LTBP1: variants seen among roughly 807,000 people sequenced by gnomAD.
LTBP1 encodes the protein latent-transforming growth factor beta-binding protein 1.
A neutral mutation model predicts 207.6 loss-of-function variants in LTBP1; 129 were observed. The observed-to-expected ratio is 0.62, with a 90% CI of 0.54 to 0.72. LTBP1 has a LOEUF of 0.72. Among genes scored for constraint, LTBP1 ranks in the 30% least tolerant of loss-of-function variants. The probability of loss-of-function intolerance (pLI) is 0.00; values close to 1 mark genes in which losing one functional copy is unlikely to be tolerated. For missense variants in LTBP1, 2,281 were observed against 2,217.2 expected, an observed-to-expected ratio of 1.03 and a Z score of -0.58; for synonymous variants, 963 against 833.7, an observed-to-expected ratio of 1.16 and a Z score of -2.67.
chr2:33,315,190 GTGCCTAAACACAGAGGGTTCT>G lies in LTBP1; in HGVS notation c.3653_3673del (p.Cys1218_Ser1224del). The stretch of plus-strand genomic sequence containing the variant: ...CAGGGCTCTGTGGTCCGCAAGGGGA[GTGCCTAAACACAGAGGGTTCT>G]TTCCATTGTGTCTGCCAGCAGGGTT... On this transcript the variant is annotated inframe_deletion, in exon 24 of 34. Coordinates refer to ENST00000404816, the MANE Select transcript of LTBP1 (RefSeq NM_206943.4). 1 of 1,612,918 alleles carries G rather than the reference GTGCCTAAACACAGAGGGTTCT, an allele frequency of 6.2e-7. No homozygotes were observed. Among genetic ancestry groups the G allele is most frequent in the Non-Finnish European group, 8.5e-7 (1 of 1,179,564 alleles).
At chr2:32,979,174 AT>A (rs572538724) in intron 2 of LTBP1, among the ~76,000 whole-genome samples, 4 of 149,060 alleles carry the variant, frequency 2.7e-5, no homozygotes, top group African/African-American at 7.4e-5. Flanking sequence ...TTATATATAT[AT>A]TTTTTTCATT....
chr2:32,947,800 A>G lies in LTBP1; in HGVS notation c.476A>G (p.Gln159Arg), dbSNP rs1222760691. 5.5e-6 allele frequency: 8 copies of G among 1,464,720 alleles called. No individual in the cohort carries two copies. The allele number at this position is 1,464,720 out of a possible 1,614,324, so 90.7% of individuals were successfully genotyped here. A position where few individuals can be genotyped will look rare whatever the true frequency, so the allele number is the denominator to read the frequency against. The change falls in exon 1 of 34, where the codon CAG (glutamine) becomes CGG (arginine). Residue 159 changes from glutamine (Q) to arginine (R), a missense_variant. Physicochemically the swap from Gln to Arg is conservative, Grantham distance 43. This residue lies in a region of LTBP1 where 555 missense variants were observed against 491.0 expected (regional missense o/e 1.13). Coordinates refer to ENST00000404816, the MANE Select transcript of LTBP1 (RefSeq NM_206943.4). ...SGGGSRLQVH[Q>R]KQQLQGVNVC... ...GGAGGCTCTAGGCTGCAGGTTCACC[A>G]GAAGCAGCAGCTGCAGGGGTAAGCC...
intron 3 of LTBP1, among the ~76,000 whole-genome samples, chr2:33,047,154 A>G (rs10469889): frequency 0.14 from 21,253 of 152,048 alleles, 1,619 homozygotes; most frequent in South Asian, 0.22. Context: ...GTCTTCTGCT[A>G]GCTTTTGAAT....
At chr2:33,164,499 G>C (rs1465298762) in intron 5 of LTBP1, among the ~76,000 whole-genome samples, 1 of 151,722 alleles carries the variant, frequency 6.6e-6, no homozygotes, top group East Asian at 1.9e-4. Context: ...TTAGGATGTG[G>C]GCCTATCTTG....
At position 33,020,946 on chromosome 2, in the gene LTBP1, T is replaced by G; in HGVS notation, c.603T>G (p.Cys201Trp). 1 of 1,601,336 alleles carries G rather than the reference T, an allele frequency of 6.2e-7. No individual in the cohort carries two copies. The highest frequency in any genetic ancestry group is 8.5e-7 in the Non-Finnish European group (1 of 1,170,440). The change falls in exon 3 of 34, where the codon TGT becomes TGG. Residue 201 changes from cysteine (C) to tryptophan (W), a missense_variant. Transcript: ENST00000404816. ...CVPPCQNGGM[C>W]LRPQLCVCKP... ...CGCCATGTCAGAATGGAGGGATGTG[T>G]CTCCGGCCACAACTCTGTGTGTGTA...
Position 33,068,150 on chromosome 2 carries a change from C to G in LTBP1, c.864-42432C>G, listed in dbSNP as rs935596369. ...ATTAGCATTAGCAGAGTAACATTTG[C>G]GATTCTTTTTTTGTGGGGTGGGGGG... On this transcript the variant is annotated intron_variant, in intron 3 of 33. Coordinates refer to ENST00000404816, the MANE Select transcript of LTBP1 (RefSeq NM_206943.4). 3.5e-5 allele frequency among the ~76,000 whole-genome samples: 4 copies of G among 113,948 alleles called. No individual in the cohort carries two copies. In the East Asian group the frequency reaches 7.6e-4, roughly 22 times the overall value. The allele number at this position is 113,948 out of a possible 152,430, so 74.8% of individuals were successfully genotyped here.
intron 3 of LTBP1, among the ~76,000 whole-genome samples, chr2:33,043,520 T>C (rs1015719860): frequency 6.6e-6 from 1 of 152,122 alleles, no homozygotes; most frequent in African/African-American, 2.4e-5. Context: ...AGGAGCCACG[T>C]GCGCAGACCA....
chr2:33,157,011 T>G (rs1351179046), intron 5 of LTBP1, among the ~76,000 whole-genome samples: 1 of 152,258 alleles, frequency 6.6e-6, no homozygotes, highest in African/African-American at 2.4e-5. Context: ...TGACAGATTT[T>G]ACACACTTGG....
intron 2 of LTBP1, among the ~76,000 whole-genome samples, chr2:32,969,625 T>C (rs1036013288): frequency 3.3e-5 from 5 of 152,208 alleles, no homozygotes; most frequent in Admixed American, 1.3e-4. Context: ...TAAGGCTGTG[T>C]AATATTCCAT....
chr2:33,349,444 G>GA (rs373613670), intron 26 of LTBP1, among the ~76,000 whole-genome samples: 115 of 141,332 alleles, frequency 8.1e-4, no homozygotes, highest in Admixed American at 2.2e-3. Flanking sequence ...TGTCTCAAAA[G>GA]AAAAAAAAAA....
intron 25 of LTBP1, among the ~76,000 whole-genome samples, chr2:33,347,077 C>T (rs1294440088): frequency 6.9e-6 from 1 of 145,930 alleles, no homozygotes; most frequent in Non-Finnish European, 1.5e-5. Context: ...GAGATCGCGC[C>T]TCTGCACTCC....
chr2:32,962,956 A>T (rs150691), intron 2 of LTBP1, among the ~76,000 whole-genome samples: 1 of 152,068 alleles, frequency 6.6e-6, no homozygotes, highest in Non-Finnish European at 1.5e-5. Flanking sequence ...AGCAGAACCC[A>T]TCTCCTCCTC....
At chr2:32,965,605 C>T (rs1323479945) in intron 2 of LTBP1, among the ~76,000 whole-genome samples, 1 of 152,176 alleles carries the variant, frequency 6.6e-6, no homozygotes, top group Admixed American at 6.6e-5. Flanking sequence ...TGGCTTCTTT[C>T]ACTTAGTAAT....
At chr2:33,069,319 C>G (rs2077671062) in intron 3 of LTBP1, among the ~76,000 whole-genome samples, 2 of 152,202 alleles carry the variant, frequency 1.3e-5, no homozygotes, top group Non-Finnish European at 2.9e-5. Context: ...CCCTCTCCCT[C>G]TAGTCTGCAC....
At chr2:33,104,263 A>G (rs2079926307) in intron 3 of LTBP1, among the ~76,000 whole-genome samples, 1 of 152,216 alleles carries the variant, frequency 6.6e-6, no homozygotes, top group African/African-American at 2.4e-5. Flanking sequence ...CCTGCTGCTA[A>G]CAAAGATACA....
At chr2:33,364,458 G>T in intron 30 of LTBP1, 102 bp downstream of exon 30, 2 of 1,208,930 alleles carry the variant, frequency 1.7e-6, no homozygotes, top group South Asian at 1.6e-5. Flanking sequence ...TGGATTCCTT[G>T]GGTATTTTGA....
intron 2 of LTBP1, among the ~76,000 whole-genome samples, chr2:32,991,874 G>C (rs219155): frequency 0.31 from 47,712 of 152,012 alleles, 8,565 homozygotes; most frequent in Non-Finnish European, 0.4. Context: ...TTCTTTCAGA[G>C]ACAACTTTAA....
Position 33,315,164 on chromosome 2 carries a change from C to A in LTBP1, c.3625C>A (p.Pro1209Thr). ...TACAGATATTAATGAATGTGAACAT[C>A]CAGGGCTCTGTGGTCCGCAAGGGGA... ...TCQDINECEH[P>T]GLCGPQGECL... Residue 1209 changes from proline (P) to threonine (T), a missense_variant, in exon 24 of 34, where the codon CCA (proline) becomes ACA (threonine). This residue lies in a region of LTBP1 where 1,671 missense variants were observed against 1,634.8 expected (regional missense o/e 1.02). Transcript: ENST00000404816. 1 of 1,604,556 alleles carries A rather than the reference C, an allele frequency of 6.2e-7. No individual in the cohort carries two copies. The highest frequency in any genetic ancestry group is 8.5e-7 in the Non-Finnish European group (1 of 1,177,864).
chr2:33,267,880 C>A (rs2093223339), intron 15 of LTBP1, among the ~76,000 whole-genome samples: 1 of 152,168 alleles, frequency 6.6e-6, no homozygotes, highest in Non-Finnish European at 1.5e-5. Flanking sequence ...ATGCAAGTAG[C>A]CTTGCTATAG....
Sources: gnomAD v4.1 joint callset for allele counts (sites outside exome capture counted in the v4.1 genomes callset) on GRCh38, gnomAD v4.1.1 for gene constraint, gnomAD v4.1.1 regional missense constraint, MANE v1.5 for transcripts, NCBI Gene and HGNC (gene_info 2026-07-23, HGNC 2026-07-21) for gene names.